Variants in MEIS2 observed in about 807,000 individuals in gnomAD.
The protein encoded by MEIS2 is Meis homeobox 2, also known as homeobox protein Meis2.
In MEIS2, 9 loss-of-function variants were observed where a neutral mutation model predicts 58.6. The observed-to-expected ratio is 0.15, with a 90% CI of 0.09 to 0.27. The LOEUF (loss-of-function observed/expected upper bound fraction) is 0.27. MEIS2 is among the 10% of genes least tolerant of loss of function. MEIS2 has a pLI of 1.00. For synonymous variants in MEIS2, 221 were observed against 228.4 expected, an observed-to-expected ratio of 0.97 and a Z score of 0.29; for missense variants, 427 against 635.0, an observed-to-expected ratio of 0.67 and a Z score of 3.52.
chr15:37,052,020 T>C (rs2062940753), intron 7 of MEIS2, among the ~76,000 whole-genome samples: 1 of 152,120 alleles, frequency 6.6e-6, no homozygotes, highest in Non-Finnish European at 1.5e-5. Context: ...ATAATAAAAG[T>C]AATTCTTAAT....
At chr15:36,945,292 C>T (rs1202311736) in intron 9 of MEIS2, among the ~76,000 whole-genome samples, 1 of 152,024 alleles carries the variant, frequency 6.6e-6, no homozygotes, top group Non-Finnish European at 1.5e-5. Flanking sequence ...GCTGATGGAT[C>T]CAGGAGGCAA....
chr15:36,997,739 C>T (rs1456327626), intron 8 of MEIS2, among the ~76,000 whole-genome samples: 3 of 152,170 alleles, frequency 2.0e-5, no homozygotes, highest in Admixed American at 2.0e-4. Flanking sequence ...CTTTGGCCTC[C>T]CAAAGAGCTG....
chr15:37,097,914 A>G (rs940164823), intron 2 of MEIS2, 53 bp downstream of exon 2: 1 of 1,521,750 alleles, frequency 6.6e-7, no homozygotes, highest in Non-Finnish European at 8.9e-7. Flanking sequence ...ACAGAGACAA[A>G]CACACACTCT....
chr15:36,984,352 T>C (rs2060027729), intron 8 of MEIS2, among the ~76,000 whole-genome samples: 1 of 152,160 alleles, frequency 6.6e-6, no homozygotes, highest in Non-Finnish European at 1.5e-5. Context: ...GAGATGATCA[T>C]ATGATTTTTA....
intron 8 of MEIS2, among the ~76,000 whole-genome samples, chr15:36,998,559 T>A (rs907230642): frequency 2.6e-5 from 4 of 152,156 alleles, no homozygotes; most frequent in African/African-American, 7.2e-5. Context: ...CCATGCTTAC[T>A]GTCAGCTAAA....
chr15:37,030,375 T>A (rs1425477943), intron 8 of MEIS2, among the ~76,000 whole-genome samples: 1 of 152,204 alleles, frequency 6.6e-6, no homozygotes, highest in South Asian at 2.1e-4. Flanking sequence ...TTTTTTCTTT[T>A]TTTTAGGCTG....
At chr15:36,967,856 G>A (rs1404807103) in intron 8 of MEIS2, among the ~76,000 whole-genome samples, 1 of 151,910 alleles carries the variant, frequency 6.6e-6, no homozygotes, top group Non-Finnish European at 1.5e-5. Flanking sequence ...CCATGAATTG[G>A]GCATGACCAT....
At chr15:36,911,589 A>G (rs1353443847) in intron 9 of MEIS2, among the ~76,000 whole-genome samples, 12 of 152,208 alleles carry the variant, frequency 7.9e-5, no homozygotes, top group Non-Finnish European at 1.5e-5. Context: ...TTGTTTACAG[A>G]GCTTACAAGT....
intron 7 of MEIS2, among the ~76,000 whole-genome samples, chr15:37,046,766 G>T (rs2062690123): frequency 6.6e-6 from 1 of 151,942 alleles, no homozygotes; most frequent in Non-Finnish European, 1.5e-5. Flanking sequence ...ATCCTTTATA[G>T]CAGAAGAGAA....
chr15:37,100,923 C>T (rs1267605254), upstream of MEIS2: 3 of 151,862 alleles, frequency 2.0e-5, no homozygotes, highest in African/African-American at 7.3e-5. Context: ...CTCCCGGCTC[C>T]TGCCTAACTG....
intron 8 of MEIS2, among the ~76,000 whole-genome samples, chr15:37,007,384 G>A: frequency 6.6e-6 from 1 of 152,026 alleles, no homozygotes; most frequent in Non-Finnish European, 1.5e-5. Context: ...AAATAAATAA[G>A]AAAGAAAGAA....
intron 8 of MEIS2, among the ~76,000 whole-genome samples, chr15:37,006,903 G>A (rs111509473): frequency 2.6e-5 from 4 of 152,282 alleles, no homozygotes; most frequent in African/African-American, 4.8e-5. Flanking sequence ...GGAAGGGGTT[G>A]GAAATTGTTA....
chr15:36,922,132 G>C, intron 9 of MEIS2, among the ~76,000 whole-genome samples: 1 of 152,184 alleles, frequency 6.6e-6, no homozygotes, highest in East Asian at 1.9e-4. Context: ...ACATAGAAAA[G>C]AACTGGAAGG....
chr15:37,096,750 A>G lies in MEIS2; in HGVS notation c.246-320T>C, dbSNP rs529495986. 3.9e-5 allele frequency among the ~76,000 whole-genome samples: 6 copies of G among 152,210 alleles called. No individual in the cohort carries two copies. In the South Asian group the frequency reaches 1.0e-3, roughly 26 times the overall value. On this transcript the variant is annotated intron_variant, in intron 2 of 11. Transcript: ENST00000561208. ...AGACGCTCAGGCAGTCTGGAGCCCGAGTCGATTCTGATCCACTCCCCACAC... is the reference window on the plus strand; with the variant it reads ...AGACGCTCAGGCAGTCTGGAGCCCGGGTCGATTCTGATCCACTCCCCACAC...
At chr15:37,088,131 T>A (rs1318957795) in intron 6 of MEIS2, among the ~76,000 whole-genome samples, 1 of 152,204 alleles carries the variant, frequency 6.6e-6, no homozygotes, top group East Asian at 1.9e-4. Context: ...GTACCTCATT[T>A]CTATGGGGCT....
At chr15:36,921,457 AG>A (rs1285297240) in intron 9 of MEIS2, among the ~76,000 whole-genome samples, 1 of 152,218 alleles carries the variant, frequency 6.6e-6, no homozygotes. Flanking sequence ...AATAATTTCA[AG>A]GAAGTGATCT....
chr15:37,017,470 G>A (rs1001064144), intron 8 of MEIS2, among the ~76,000 whole-genome samples: 1 of 152,056 alleles, frequency 6.6e-6, no homozygotes, highest in African/African-American at 2.4e-5. Flanking sequence ...AGTGAACTGG[G>A]TATGGTGGGT....
chr15:36,981,235 T>C (rs1278233330), intron 8 of MEIS2, among the ~76,000 whole-genome samples: 1 of 152,150 alleles, frequency 6.6e-6, no homozygotes, highest in Non-Finnish European at 1.5e-5. Flanking sequence ...TTATTGCTGA[T>C]TAAAAAAGCT....
At chr15:36,894,165 T>C (rs558321956) in intron 11 of MEIS2, among the ~76,000 whole-genome samples, 1 of 152,246 alleles carries the variant, frequency 6.6e-6, no homozygotes, top group South Asian at 2.1e-4. Context: ...TAGGCACATG[T>C]AAAAAATAAT....
Sources: gnomAD v4.1 joint callset for allele counts (sites outside exome capture counted in the v4.1 genomes callset) on GRCh38, gnomAD v4.1.1 for gene constraint, MANE v1.5 for transcripts, NCBI Gene and HGNC (gene_info 2026-07-23, HGNC 2026-07-21) for gene names.